The following SLC6A12 variants were observed in gnomAD, a reference collection of about 807,000 sequenced individuals.
SLC6A12 encodes the protein solute carrier family 6 member 12.
In SLC6A12, 50 loss-of-function variants were observed where a neutral mutation model predicts 73.3. The ratio of observed to expected loss-of-function variants is 0.68; its 90% CI spans 0.54 to 0.86. The LOEUF (loss-of-function observed/expected upper bound fraction) is 0.86. SLC6A12 is among the 40% of genes least tolerant of loss of function. SLC6A12 has a pLI of 0.00. For missense variants in SLC6A12, 648 were observed against 772.8 expected (o/e 0.84, Z 1.92); for synonymous variants, 304 against 309.2 (o/e 0.98, Z 0.18).
At chr12:199,411 C>G (rs1940094238) in intron 7 of SLC6A12, among the ~76,000 whole-genome samples, 1 of 152,162 alleles carries the variant, frequency 6.6e-6, no homozygotes, top group Non-Finnish European at 1.5e-5. Flanking sequence ...CCTGGCGACC[C>G]AGGGGAATAG....
At chr12:199,672 T>A (rs1418531232) in intron 7 of SLC6A12, 3 of 152,186 alleles carry the variant, frequency 2.0e-5, no homozygotes, top group Non-Finnish European at 2.9e-5. Context: ...AGACTCAGTG[T>A]ATGGCCAAGC....
chr12:184,927 T>TGC, the SLC6A12 span, among the ~76,000 whole-genome samples: 4 of 111,070 alleles, frequency 3.6e-5, no homozygotes, highest in Non-Finnish European at 7.5e-5. Flanking sequence ...AATGAAACTG[T>TGC]CTCAAAAAAA....
chr12:204,939 G>T, intron 3 of SLC6A12: 1 of 466,200 alleles, frequency 2.1e-6, no homozygotes, highest in East Asian at 3.3e-5. Context: ...GGAAATTAGT[G>T]AAAACTTAGG....
chr12:205,525 G>A (rs536510640), intron 3 of SLC6A12, among the ~76,000 whole-genome samples: 35 of 152,296 alleles, frequency 2.3e-4, no homozygotes, highest in African/African-American at 7.7e-4. Context: ...AACTGAGGTC[G>A]CTTTAAAGAC....
chr12:203,087 G>C (rs12315451), intron 4 of SLC6A12, among the ~76,000 whole-genome samples: 1 of 82,080 alleles, frequency 1.2e-5, no homozygotes, highest in African/African-American at 4.3e-5. Flanking sequence ...TTTTTTTTGA[G>C]ATGGAGTCTT....
rs1250385564 is a variant in SLC6A12, at chr12:200,759, C to T, written c.603G>A (p.Ser201=). Residue 201 remains serine, a synonymous_variant, in exon 7 of 16, where the codon TCG becomes TCA. Transcript: ENST00000684302. ...FWERRVLGIT[S]GIHDLGSLRW... ...GCAGGGAGCCCAGGTCATGGATGCC[C>T]GAGGTGATGCCCAGAACTCGTCTCC... is the stretch of plus-strand genomic sequence containing the variant. 6 of 1,613,840 alleles carry T rather than the reference C, an allele frequency of 3.7e-6. No individual in the cohort carries two copies. The highest frequency in any genetic ancestry group is 2.2e-5 in the East Asian group (1 of 44,850).
chr12:210,413 C>T, intron 2 of SLC6A12: 1 of 1,087,784 alleles, frequency 9.2e-7, no homozygotes, highest in Non-Finnish European at 1.1e-6. Flanking sequence ...AGCCTAGCCT[C>T]TGGCCTCCAG....
chr12:194,451 T>C (rs1287127797), intron 13 of SLC6A12, among the ~76,000 whole-genome samples: 1 of 152,210 alleles, frequency 6.6e-6, no homozygotes, highest in Non-Finnish European at 1.5e-5. Flanking sequence ...CCCCAAGCGG[T>C]GCAGTGGAGT....
Position 197,992 on chromosome 12 carries a change from A to T in SLC6A12, c.858T>A (p.Asp286Glu). Residue 286 changes from aspartate to glutamate, a missense_variant, in exon 9 of 16, where the codon GAT becomes GAA. Physicochemically the swap from Asp to Glu is conservative, Grantham distance 45 (BLOSUM62 2). Coordinates refer to ENST00000684302, the MANE Select transcript of SLC6A12 (RefSeq NM_001122848.3). ...FRLKDPQVWM[D>E]AGTQIFFSFA... ...AGGAGAAGAAGATCTGGGTGCCCGC[A>T]TCCATCCACACCTACACAAAACCCC... 6.2e-7 allele frequency: 1 copy of T among 1,613,388 alleles called. No homozygotes were observed. The highest frequency in any genetic ancestry group is 8.5e-7 in the Non-Finnish European group (1 of 1,179,844).
downstream of SLC6A12, among the ~76,000 whole-genome samples, chr12:188,171 G>T (rs1204425487): frequency 5.3e-5 from 8 of 152,174 alleles, no homozygotes; most frequent in East Asian, 9.7e-4. Context: ...AGCAGGGGGC[G>T]GCGCTGGTCG....
intron 7 of SLC6A12, among the ~76,000 whole-genome samples, chr12:200,300 G>A (rs1176808324): frequency 4.6e-5 from 7 of 150,902 alleles, no homozygotes; most frequent in African/African-American, 1.5e-4. Flanking sequence ...AGTAGAGACG[G>A]GGTTTTACCG....
Position 196,842 on chromosome 12 carries a change from A to G in SLC6A12, c.1116T>C (p.Thr372=), listed in dbSNP as rs1242654451. The change falls in exon 11 of 16, where the codon ACT becomes ACC. Residue 372 remains threonine, a synonymous_variant. Transcript: ENST00000684302. ...LAFIAFPKAV[T]MMPLSQLWSC... ...ACCACAGCTGGGATAAGGGCATCAT[A>G]GTCACAGCCTTGGGGAAGGCGATGA... is the stretch of plus-strand genomic sequence containing the variant. The G allele has an allele frequency of 6.2e-7, 1 of 1,613,980 alleles. No individual in the cohort carries two copies. Among genetic ancestry groups the G allele is most frequent in the Non-Finnish European group, 8.5e-7 (1 of 1,179,918 alleles).
At chr12:187,618 AAAAAAAAAAAAAACAAAC>A (rs1939458178), downstream of SLC6A12, among the ~76,000 whole-genome samples, 1 of 28,778 alleles carries the variant, frequency 3.5e-5, no homozygotes, top group African/African-American at 9.0e-5. Context: ...AAAAAAAAAA[AAAAAAAAAAAAAACAAAC>A]CACACACACA....
chr12:197,182 C>CATCTATCCATCT (rs1565469176), intron 10 of SLC6A12, among the ~76,000 whole-genome samples, 195 bp downstream of exon 10: 3 of 84,358 alleles, frequency 3.6e-5, no homozygotes, highest in Non-Finnish European at 5.4e-5. Flanking sequence ...TCCATCCATC[C>CATCTATCCATCT]ATCCATCCAT....
At chr12:204,471 G>C (rs542805252) in intron 4 of SLC6A12, 93 bp downstream of exon 4, 6 of 1,249,282 alleles carry the variant, frequency 4.8e-6, no homozygotes, top group Non-Finnish European at 7.0e-6. Flanking sequence ...GAGCGGATGG[G>C]TGAAGCAGCG....
chr12:212,639 T>C (rs886298366), intron 1 of SLC6A12, among the ~76,000 whole-genome samples: 4 of 152,062 alleles, frequency 2.6e-5, no homozygotes, highest in African/African-American at 4.8e-5. Flanking sequence ...CCCCGAGCCG[T>C]GGTAACTCAA....
intron 13 of SLC6A12, 24 bp downstream of exon 13, chr12:195,201 C>A: frequency 6.5e-5 from 68 of 1,048,118 alleles, no homozygotes; most frequent in Non-Finnish European, 8.3e-5. Context: ...ACCCTGCTTT[C>A]CCACCCCACT....
intron 2 of SLC6A12, 127 bp downstream of exon 2, chr12:211,899 C>T (rs1445458174): frequency 6.6e-6 from 1 of 152,190 alleles, no homozygotes; most frequent in Non-Finnish European, 1.5e-5. Flanking sequence ...CTAAGAATCT[C>T]TGAAGTTAGG....
rs1360269409 is a variant in SLC6A12, at chr12:200,687, A to G, written c.675T>C (p.Tyr225=). 1 of 1,614,022 alleles carries G rather than the reference A, an allele frequency of 6.2e-7. No individual in the cohort carries two copies. Among genetic ancestry groups the G allele is most frequent in the East Asian group, 2.2e-5 (1 of 44,884 alleles). Residue 225 remains tyrosine (Y), a synonymous_variant, in exon 7 of 16, where the codon TAT becomes TAC. Coordinates refer to ENST00000684302, the MANE Select transcript of SLC6A12 (RefSeq NM_001122848.3). ...LCLLLAWVIC[Y]FCIWKGVKST... ...ACTTGACCCCCTTCCAGATGCAGAA[A>G]TAGCAGATGACCCAGGCGAGCAGGA... is the stretch of plus-strand genomic sequence containing the variant.
Sources: allele counts gnomAD v4.1 joint callset (sites outside exome capture counted in the v4.1 genomes callset), GRCh38; gene constraint gnomAD v4.1.1; transcripts MANE v1.5; gene names NCBI Gene and HGNC (gene_info 2026-07-23, HGNC 2026-07-21).